Variants in ACSBG1 observed in about 807,000 individuals in gnomAD.
ACSBG1 encodes the protein acyl-CoA synthetase bubblegum family member 1.
A neutral mutation model predicts 80.2 loss-of-function variants in ACSBG1; 39 were observed. The observed-to-expected ratio is 0.49, with a 90% confidence interval of 0.38 to 0.64. The LOEUF (loss-of-function observed/expected upper bound fraction) is 0.64. ACSBG1 is among the 30% of genes least tolerant of loss of function. The pLI, the probability that ACSBG1 is intolerant of heterozygous loss-of-function variation, is 0.00. For synonymous variants in ACSBG1, 392 were observed against 379.5 expected, an observed-to-expected ratio of 1.03 and a Z score of -0.38; for missense variants, 828 against 966.4, an observed-to-expected ratio of 0.86 and a Z score of 1.90.
intron 1 of ACSBG1, among the ~76,000 whole-genome samples, chr15:78,220,243 C>G (rs529738000): frequency 2.3e-4 from 35 of 152,298 alleles, no homozygotes; most frequent in Admixed American, 7.8e-4. Flanking sequence ...AAATATTTGT[C>G]TTTTCAACAA....
At position 78,207,987 on chromosome 15, in the gene ACSBG1, C is replaced by G; in HGVS notation, c.232+15G>C. On this transcript the variant is annotated intron_variant, in intron 2 of 13. Transcript: ENST00000258873. ...TTCCCGCCCTGCCCCACCCTACCAC[C>G]CCCAGCTGGCTTACCTGGAGCATCC... 6.3e-7 allele frequency: 1 copy of G among 1,594,242 alleles called. No individual in the cohort carries two copies. Among genetic ancestry groups the G allele is most frequent in the Non-Finnish European group, 8.6e-7 (1 of 1,163,022 alleles).
chr15:78,229,069 A>G (rs1372677346), intron 1 of ACSBG1, among the ~76,000 whole-genome samples: 1 of 72,542 alleles, frequency 1.4e-5, no homozygotes, highest in Non-Finnish European at 2.7e-5. Flanking sequence ...CATTGATTAT[A>G]TTCCCTTTTT....
intron 1 of ACSBG1, among the ~76,000 whole-genome samples, chr15:78,229,383 C>T (rs1431321516): frequency 6.6e-6 from 1 of 152,166 alleles, no homozygotes; most frequent in African/African-American, 2.4e-5. Flanking sequence ...CTAGAAAGCC[C>T]AGATAGTCCA....
chr15:78,206,160 G>A (rs992700523), intron 2 of ACSBG1, among the ~76,000 whole-genome samples: 2 of 152,118 alleles, frequency 1.3e-5, no homozygotes, highest in African/African-American at 4.8e-5. Flanking sequence ...CCTCCGCTCT[G>A]GGCGCCTGCT....
chr15:78,203,565 T>C (rs1294054621), intron 2 of ACSBG1, among the ~76,000 whole-genome samples: 1 of 152,192 alleles, frequency 6.6e-6, no homozygotes, highest in Non-Finnish European at 1.5e-5. Flanking sequence ...GGCCTGACCC[T>C]GGCTTGTATC....
chr15:78,192,182 C>A (rs1412231472), intron 5 of ACSBG1, among the ~76,000 whole-genome samples: 1 of 152,112 alleles, frequency 6.6e-6, no homozygotes, highest in Non-Finnish European at 1.5e-5. Context: ...CAGAAGCCAC[C>A]CTTTTCCAGC....
At chr15:78,218,528 T>A (rs1401800966) in intron 1 of ACSBG1, among the ~76,000 whole-genome samples, 1 of 152,172 alleles carries the variant, frequency 6.6e-6, no homozygotes, top group East Asian at 1.9e-4. Context: ...TAGGGGAATA[T>A]TATTTCACTT....
Position 78,168,852 on chromosome 15 carries a change from G to A in ACSBG1, c.*2592C>T. The A allele has an allele frequency of 2.0e-6, 2 of 983,920 alleles. No homozygotes were observed. Among genetic ancestry groups the A allele is most frequent in the Non-Finnish European group, 3.2e-6 (2 of 620,564 alleles). 60.9% of individuals were successfully genotyped at this position (983,920 alleles called of 1,614,324 possible). A position where few individuals can be genotyped will look rare whatever the true frequency, so the allele number is the denominator to read the frequency against. ...TTGCCCAGGTGGCATCTCACTGAGGGCTTTAAAATCTCCTTGGTTTAGTTT... is the reference window on the plus strand; with the variant it reads ...TTGCCCAGGTGGCATCTCACTGAGGACTTTAAAATCTCCTTGGTTTAGTTT... On this transcript the variant is annotated 3_prime_UTR_variant, in exon 14 of 14. Coordinates refer to ENST00000258873, the MANE Select transcript of ACSBG1 (RefSeq NM_015162.5).
chr15:78,198,680 A>G (rs2075137901), intron 2 of ACSBG1, among the ~76,000 whole-genome samples: 1 of 152,238 alleles, frequency 6.6e-6, no homozygotes, highest in South Asian at 2.1e-4. Context: ...AAATATGCAT[A>G]CTTGTTCCAA....
rs1359567703 is a variant in ACSBG1 at position 78,184,262 on chromosome 15, C to G, written c.664-1477G>C. 3.3e-5 allele frequency among the ~76,000 whole-genome samples: 5 copies of G among 152,218 alleles called. No homozygotes were observed. In the East Asian group the frequency reaches 9.6e-4, roughly 29 times the overall value. ...GATCATGGCCCACTGCAGCCTCAAA[C>G]CCCTGGGCTCCCATGATCCTGCCTC... On this transcript the variant is annotated intron_variant, in intron 5 of 13. Transcript: ENST00000258873.
rs767683321 is a variant in ACSBG1 at position 78,171,190 on chromosome 15, CT to C, written c.*253del. 3 of 335,576 alleles carry C rather than the reference CT, an allele frequency of 8.9e-6. No individual in the cohort carries two copies. The highest frequency in any genetic ancestry group is 1.7e-5 in the Non-Finnish European group (3 of 180,052). The allele number at this position is 335,576 out of a possible 1,614,324, so 20.8% of individuals were successfully genotyped here. ...CAGCCCTTTCGTTCTGGAAGGAGAG[CT>C]GATCTCATTTGTCACCTGAACAAAA... On this transcript the variant is annotated 3_prime_UTR_variant, in exon 14 of 14. Transcript: ENST00000258873.
chr15:78,178,887 C>T lies in ACSBG1; in HGVS notation c.1485-56G>A, dbSNP rs569086975. 5 of 1,524,998 alleles carry T rather than the reference C, an allele frequency of 3.3e-6. No homozygotes were observed. The highest frequency in any genetic ancestry group is 1.4e-5 in the African/African-American group (1 of 72,992). 94.5% of individuals were successfully genotyped at this position (1,524,998 alleles called of 1,614,324 possible). A position where few individuals can be genotyped will look rare whatever the true frequency, so the allele number is the denominator to read the frequency against. On this transcript the variant is annotated intron_variant, in intron 10 of 13. Transcript: ENST00000258873. The surrounding 1 kb of genome is among the most constrained non-coding windows in gnomAD (Gnocchi z 4.3). Reference sequence around the variant, plus strand: ...GAGGGAGCCGTCTCCTCCAAGCCCCCACTGGGGAGCCGGGGTCCCAACTGC... The same window carrying T: ...GAGGGAGCCGTCTCCTCCAAGCCCCTACTGGGGAGCCGGGGTCCCAACTGC...
At chr15:78,208,663 A>G (rs1160592598) in intron 1 of ACSBG1, among the ~76,000 whole-genome samples, 1 of 151,994 alleles carries the variant, frequency 6.6e-6, no homozygotes. Context: ...TGCACCATGC[A>G]CCCCATGTCT....
intron 6 of ACSBG1, 34 bp from the exon 7 acceptor site, chr15:78,182,649 T>C (rs371592843): frequency 3.6e-4 from 580 of 1,613,694 alleles, no homozygotes; most frequent in Non-Finnish European, 4.0e-4. Context: ...GCAGGCTAGG[T>C]CAGCTGGGTG....
chr15:78,178,927 T>C lies in ACSBG1; in HGVS notation c.1485-96A>G, dbSNP rs983228083. The C allele has an allele frequency of 3.2e-6, 4 of 1,259,550 alleles. No individual in the cohort carries two copies. In the African/African-American group the frequency reaches 4.5e-5, roughly 14 times the overall value. The allele number at this position is 1,259,550 out of a possible 1,614,324, so 78.0% of individuals were successfully genotyped here. A position where few individuals can be genotyped will look rare whatever the true frequency, so the allele number is the denominator to read the frequency against. On this transcript the variant is annotated intron_variant, in intron 10 of 13. Coordinates refer to ENST00000258873, the MANE Select transcript of ACSBG1 (RefSeq NM_015162.5). This position sits in a 1 kb window ranked among gnomAD's most constrained non-coding sequence, Gnocchi z 4.3. Reference sequence around the variant, plus strand: ...GTCCCAACTGCTCGGTCTTCACTGATTGCTAGAAGGTATCCCCTCACAGGG... The same window carrying C: ...GTCCCAACTGCTCGGTCTTCACTGACTGCTAGAAGGTATCCCCTCACAGGG...
At chr15:78,193,661 G>C (rs1433222076) in intron 4 of ACSBG1, 35 bp from the exon 5 acceptor site, 2 of 1,593,320 alleles carry the variant, frequency 1.3e-6, no homozygotes, top group East Asian at 4.5e-5. Context: ...CCTTAGGGGA[G>C]GTGCAGAGGG....
chr15:78,213,840 G>A, intron 1 of ACSBG1: 1 of 152,274 alleles, frequency 6.6e-6, no homozygotes, highest in Non-Finnish European at 1.5e-5. Flanking sequence ...AGTGCCTTGT[G>A]TTGGCTTCTC....
intron 1 of ACSBG1, among the ~76,000 whole-genome samples, chr15:78,230,676 C>T (rs539744880): frequency 2.0e-5 from 3 of 152,274 alleles, no homozygotes; most frequent in East Asian, 1.9e-4. Context: ...TACAGTAAGT[C>T]GCACAAGATC....
intron 2 of ACSBG1, among the ~76,000 whole-genome samples, chr15:78,206,470 C>T (rs533035927): frequency 2.6e-5 from 4 of 152,348 alleles, no homozygotes; most frequent in Admixed American, 2.0e-4. Context: ...GTCTCCTTCA[C>T]AGCCCAGTGC....
Sources: gnomAD v4.1 joint callset for allele counts (sites outside exome capture counted in the v4.1 genomes callset) on GRCh38, gnomAD v4.1.1 for gene constraint, Gnocchi (gnomAD v3.1) non-coding constraint, MANE v1.5 for transcripts, NCBI Gene and HGNC (gene_info 2026-07-23, HGNC 2026-07-21) for gene names.